The following CEMIP variants were observed in gnomAD, a reference collection of about 807,000 sequenced individuals.
CEMIP encodes cell migration inducing hyaluronidase 1.
Under a neutral mutation model 156.9 loss-of-function variants are expected in CEMIP, and 105 were observed. The ratio of observed to expected loss-of-function variants is 0.67; its 90% confidence interval spans 0.57 to 0.79. CEMIP has a LOEUF of 0.79. CEMIP is among the 30% of genes least tolerant of loss of function. CEMIP has a pLI of 0.00. For synonymous variants in CEMIP, 676 were observed against 668.4 expected (o/e 1.01, Z -0.17); for missense variants, 1,457 against 1,769.4 (o/e 0.82, Z 3.17).
At chr15:80,915,620 T>TG (rs901857590) in intron 14 of CEMIP, among the ~76,000 whole-genome samples, 3 of 152,120 alleles carry the variant, frequency 2.0e-5, no homozygotes, top group African/African-American at 7.2e-5. Flanking sequence ...CACTAAGAGA[T>TG]GGAGTAACAG....
intron 6 of CEMIP, 102 bp from the exon 7 acceptor site, chr15:80,884,073 A>G (rs1033313212): frequency 2.6e-6 from 3 of 1,145,340 alleles, no homozygotes; most frequent in South Asian, 1.2e-5. Context: ...CCCTGGGATC[A>G]TCGGATAGCA....
chr15:80,914,918 G>A (rs567032421), intron 14 of CEMIP, among the ~76,000 whole-genome samples: 3 of 152,184 alleles, frequency 2.0e-5, no homozygotes, highest in African/African-American at 7.2e-5. Context: ...TCGATGGTTA[G>A]GGGGTCGGAA....
intron 14 of CEMIP, among the ~76,000 whole-genome samples, chr15:80,914,129 A>G (rs1900173111): frequency 6.6e-6 from 1 of 152,058 alleles, no homozygotes; most frequent in Non-Finnish European, 1.5e-5. Context: ...GGGGTGGGGG[A>G]TGCAAAATGG....
At chr15:80,875,894 C>T (rs1407527055) in intron 3 of CEMIP, among the ~76,000 whole-genome samples, 1 of 152,218 alleles carries the variant, frequency 6.6e-6, no homozygotes, top group African/African-American at 2.4e-5. Context: ...AATCTTGCAC[C>T]TGCTGTGCTT....
At chr15:80,940,939 A>C (rs1281271206) in intron 25 of CEMIP, among the ~76,000 whole-genome samples, 1 of 152,132 alleles carries the variant, frequency 6.6e-6, no homozygotes, top group Admixed American at 6.5e-5. Context: ...GTCAGCCCCA[A>C]CTCCATGTGG....
Position 80,873,909 on chromosome 15 carries a change from C to T in CEMIP, c.30C>T (p.Leu10=), listed in dbSNP as rs766407164. ...GAGCTGCTGGGAGGCAGGACTTCCT[C>T]TTCAAGGCCATGCTGACCATCAGCT... MGAAGRQDF[L]FKAMLTISWL... The change falls in exon 3 of 30, where the codon CTC becomes CTT. Residue 10 remains leucine, a synonymous_variant. Transcript: ENST00000394685. 1.3e-6 allele frequency: 2 copies of T among 1,581,600 alleles called. No individual in the cohort carries two copies. Among genetic ancestry groups the T allele is most frequent in the African/African-American group, 2.7e-5 (2 of 74,754 alleles).
chr15:80,895,841 T>C (rs1899200111), intron 11 of CEMIP, 28 bp from the exon 12 acceptor site: 1 of 1,612,578 alleles, frequency 6.2e-7, no homozygotes, highest in African/African-American at 1.3e-5. Flanking sequence ...AAGGGCTCTA[T>C]CTCAGTCTTT....
At chr15:80,944,045 C>T (rs767212644) in intron 28 of CEMIP, among the ~76,000 whole-genome samples, 1 of 152,056 alleles carries the variant, frequency 6.6e-6, no homozygotes, top group African/African-American at 2.4e-5. Flanking sequence ...TTTGGGAGGC[C>T]GAGGTGGGTG....
At chr15:80,849,314 C>G (rs943347893) in intron 1 of CEMIP, among the ~76,000 whole-genome samples, 3 of 152,134 alleles carry the variant, frequency 2.0e-5, no homozygotes, top group African/African-American at 7.2e-5. Flanking sequence ...GTCCATGTCT[C>G]TCTCTTGATC....
At chr15:80,926,675 G>C (rs1900684376) in intron 19 of CEMIP, among the ~76,000 whole-genome samples, 1 of 152,088 alleles carries the variant, frequency 6.6e-6, no homozygotes, top group Non-Finnish European at 1.5e-5. Context: ...AGACAGAGAA[G>C]GGGAGGTGCA....
chr15:80,879,435 A>T (rs1195956575), intron 4 of CEMIP, among the ~76,000 whole-genome samples: 3 of 152,298 alleles, frequency 2.0e-5, no homozygotes, highest in African/African-American at 7.2e-5. Context: ...ATATGGGAGG[A>T]TGTGCATAGG....
intron 12 of CEMIP, chr15:80,896,504 AGG>A (rs1458761895): frequency 4.4e-5 from 16 of 362,544 alleles, no homozygotes; most frequent in Non-Finnish European, 8.6e-5. Context: ...ACCAAGTTTG[AGG>A]GGGAGGAAGT....
chr15:80,870,553 C>A (rs978724121), intron 1 of CEMIP, among the ~76,000 whole-genome samples: 1 of 152,138 alleles, frequency 6.6e-6, no homozygotes, highest in Non-Finnish European at 1.5e-5. Context: ...CCCTGGACTC[C>A]GGTGCGGCTG....
chr15:80,861,836 T>C (rs1368022300), intron 1 of CEMIP, among the ~76,000 whole-genome samples: 1 of 152,238 alleles, frequency 6.6e-6, no homozygotes, highest in African/African-American at 2.4e-5. Flanking sequence ...GCTGGGAAGA[T>C]GTATAGCCCA....
intron 10 of CEMIP, 43 bp from the exon 11 acceptor site, chr15:80,894,947 A>T: frequency 5.0e-6 from 8 of 1,609,260 alleles, no homozygotes; most frequent in Non-Finnish European, 6.8e-6. Context: ...CTTCTCTATA[A>T]AAAAAAAACG....
chr15:80,911,215 C>T (rs1900038720), intron 14 of CEMIP, among the ~76,000 whole-genome samples: 1 of 152,198 alleles, frequency 6.6e-6, no homozygotes, highest in Non-Finnish European at 1.5e-5. Flanking sequence ...GTCTGTCCTG[C>T]TCCCTCATGC....
At position 80,896,180 on chromosome 15, in the gene CEMIP, CA is replaced by C. The variant is rs142807800; in HGVS notation, c.1411+128del. The C allele has an allele frequency of 7.1e-5, 72 of 1,017,672 alleles. 1 individual carries two copies. Among genetic ancestry groups the C allele is most frequent in the Non-Finnish European group, 9.8e-5 (64 of 654,930 alleles). The allele number at this position is 1,017,672 out of a possible 1,614,324, so 63.0% of individuals were successfully genotyped here. On this transcript the variant is annotated intron_variant, in intron 12 of 29. Coordinates refer to ENST00000394685, the MANE Select transcript of CEMIP (RefSeq NM_001293298.2). ...CTATGGCTGTAATAATGCTGCATAACAAAAAAAATCTTAAAACTTCATGACA... is the reference window on the plus strand; with the variant it reads ...CTATGGCTGTAATAATGCTGCATAACAAAAAAATCTTAAAACTTCATGACA...
intron 7 of CEMIP, among the ~76,000 whole-genome samples, chr15:80,885,318 C>T (rs1456665374): frequency 1.3e-5 from 2 of 152,144 alleles, no homozygotes; most frequent in African/African-American, 4.8e-5. Context: ...GCAGAAATTC[C>T]CTGGGCAAGG....
At chr15:80,867,810 T>G (rs1007998524) in intron 1 of CEMIP, among the ~76,000 whole-genome samples, 4 of 152,168 alleles carry the variant, frequency 2.6e-5, no homozygotes, top group African/African-American at 9.7e-5. Flanking sequence ...GAGATGCATT[T>G]TTCTGTCAGG....
Sources: allele counts gnomAD v4.1 joint callset (sites outside exome capture counted in the v4.1 genomes callset), GRCh38; gene constraint gnomAD v4.1.1; transcripts MANE v1.5; gene names NCBI Gene and HGNC (gene_info 2026-07-23, HGNC 2026-07-21).